The following BTBD6 variants were observed in gnomAD, a reference collection of about 807,000 sequenced individuals.
BTBD6 encodes the protein BTB/POZ domain-containing protein 6.
BTBD6 carries 30 observed loss-of-function variants against 40.6 expected under a neutral mutation model. The ratio of observed to expected loss-of-function variants is 0.74; its 90% confidence interval spans 0.55 to 1.00. The LOEUF (loss-of-function observed/expected upper bound fraction) is 1.00, where lower values mean the gene tolerates loss of function less well. BTBD6 is among the 50% of genes least tolerant of loss of function. BTBD6 has a pLI of 0.00. For synonymous variants in BTBD6, 378 were observed against 308.7 expected, an observed-to-expected ratio of 1.22 and a Z score of -2.35; for missense variants, 698 against 694.6, an observed-to-expected ratio of 1.00 and a Z score of -0.06.
At chr14:105,249,592 G>T in intron 3 of BTBD6, 48 bp from the exon 4 acceptor site, 1 of 1,587,136 alleles carries the variant, frequency 6.3e-7, no homozygotes, top group Non-Finnish European at 8.6e-7. Flanking sequence ...CCAGCCCCGC[G>T]ATGGGTGCTT....
chr14:105,249,205 C>G lies in BTBD6; in HGVS notation c.423C>G (p.Val141=). The change falls in exon 2 of 4, where the codon GTC becomes GTG. Residue 141 remains valine, a synonymous_variant. Transcript: ENST00000392554. Reference sequence around the variant, plus strand: ...AGCTCATGGCCGACGTGCACTTCGTCGTGGGGCCCCCGGGGGCGACCAGGA... The same window carrying G: ...AGCTCATGGCCGACGTGCACTTCGTGGTGGGGCCCCCGGGGGCGACCAGGA... The part of the protein sequence containing the change: ...NNELMADVHF[V]VGPPGATRTV... 1 of 1,588,908 alleles carries G rather than the reference C, an allele frequency of 6.3e-7. No individual in the cohort carries two copies. The highest frequency in any genetic ancestry group is 2.3e-5 in the East Asian group (1 of 44,438).
chr14:105,249,106 C>CCCCGCGCCCGCGCGCG (rs2055394276), intron 1 of BTBD6, 21 bp downstream of exon 1: 1 of 1,497,306 alleles, frequency 6.7e-7, no homozygotes, highest in Non-Finnish European at 8.8e-7. Context: ...GCCCCGCGGC[C>CCCCGCGCCCGCGCGCG]CCCGCGCCCG....
chr14:105,249,576 C>A lies in BTBD6; in HGVS notation c.585-64C>A, dbSNP rs1489013733. 2.5e-6 allele frequency: 4 copies of A among 1,586,198 alleles called. No individual in the cohort carries two copies. In the African/African-American group the frequency reaches 5.4e-5, roughly 21 times the overall value. ...ACACAGGAGCTGATGGACTCCTCTC[C>A]CAGGCCCAGCCCCGCGATGGGTGCT... is the stretch of plus-strand genomic sequence containing the variant. On this transcript the variant is annotated intron_variant, in intron 3 of 3. Transcript: ENST00000392554.
In BTBD6 at chr14:105,250,039, T is replaced by G; in HGVS notation, c.984T>G (p.Val328=). ...TCACCCCACGAAACAAGAGGCATGT[T>G]CTGGGGCGAGCCCTCTATCTGGTCC... ...LPITPRNKRH[V]LGRALYLVRI... is the part of the protein sequence containing the mutation. Residue 328 remains valine, a synonymous_variant, in exon 4 of 4, where the codon GTT becomes GTG. Coordinates refer to ENST00000392554, the MANE Select transcript of BTBD6 (RefSeq NM_001387567.1). The G allele has an allele frequency of 1.2e-6, 2 of 1,612,962 alleles. No homozygotes were observed. The highest frequency in any genetic ancestry group is 1.7e-6 in the Non-Finnish European group (2 of 1,180,034).
At chr14:105,249,106 C>G (rs1443177099) in intron 1 of BTBD6, 21 bp downstream of exon 1, 3 of 1,497,198 alleles carry the variant, frequency 2.0e-6, no homozygotes, top group East Asian at 2.7e-5. Flanking sequence ...GCCCCGCGGC[C>G]CCCGCGCCCG....
Position 105,250,481 on chromosome 14 carries a change from C to T in BTBD6, c.1426C>T (p.Gln476Ter). The T allele has an allele frequency of 1.2e-6, 2 of 1,613,992 alleles. No individual in the cohort carries two copies. Among genetic ancestry groups the T allele is most frequent in the South Asian group, 2.2e-5 (2 of 91,074 alleles). The change falls in exon 4 of 4, where the codon CAG becomes TAG. Residue 476 changes from glutamine (Q) to a stop codon, truncating the protein, a stop_gained. Transcript: ENST00000392554. LOFTEE classifies it high-confidence loss of function. Reference sequence around the variant, plus strand: ...CCCGGTCTGGTTTGAACACCCGGTCCAGGTTGAACAAGACACCTTCTACAC... The same window carrying T: ...CCCGGTCTGGTTTGAACACCCGGTCTAGGTTGAACAAGACACCTTCTACAC... ...TFPVWFEHPV[Q>*]VEQDTFYTAS...
In BTBD6 at chr14:105,250,232, C is replaced by T. The variant is rs749023649; in HGVS notation, c.1177C>T (p.Arg393Ter). Residue 393 changes from arginine to a stop codon, truncating the protein, a stop_gained, in exon 4 of 4, where the codon CGA becomes TGA. Transcript: ENST00000392554. LOFTEE classifies it high-confidence loss of function. ...GGGCCTCGCCCCGCAGAGGTGCCAC[C>T]GATTCCAGTCTTCTGCCTACCGCAG... Reference protein sequence around the residue: ...RKGLAPQRCHRFQSSAYRSNQ... With the variant: ...RKGLAPQRCH The T allele has an allele frequency of 5.6e-6, 9 of 1,612,830 alleles. No homozygotes were observed. Among genetic ancestry groups the T allele is most frequent in the Middle Eastern group, 1.6e-4 (1 of 6,084 alleles).
Position 105,250,483 on chromosome 14 carries a change from G to A in BTBD6, c.1428G>A (p.Gln476=), listed in dbSNP as rs760425660. ...TFPVWFEHPV[Q]VEQDTFYTAS... ...CGGTCTGGTTTGAACACCCGGTCCA[G>A]GTTGAACAAGACACCTTCTACACGG... The change falls in exon 4 of 4, where the codon CAG becomes CAA. Residue 476 remains glutamine (Q), a synonymous_variant. Coordinates refer to ENST00000392554, the MANE Select transcript of BTBD6 (RefSeq NM_001387567.1). 6 of 1,614,036 alleles carry A rather than the reference G, an allele frequency of 3.7e-6. No homozygotes were observed. The highest frequency in any genetic ancestry group is 5.1e-6 in the Non-Finnish European group (6 of 1,180,032).
rs2055327235 is a variant in BTBD6 at position 105,248,617 on chromosome 14, C to A, written c.-95C>A. 1.0e-6 allele frequency: 1 copy of A among 975,862 alleles called. No individual in the cohort carries two copies. The highest frequency in any genetic ancestry group is 1.2e-6 in the Non-Finnish European group (1 of 825,448). 60.5% of individuals were successfully genotyped at this position (975,862 alleles called of 1,614,324 possible). On this transcript the variant is annotated 5_prime_UTR_variant, in exon 1 of 4. Coordinates refer to ENST00000392554, the MANE Select transcript of BTBD6 (RefSeq NM_001387567.1). ...GGCGCCCCCCGCGGCCGGGCCTGGCCGGGCTGCGCTAGGCTGGGCTCGGGC... is the reference window on the plus strand; with the variant it reads ...GGCGCCCCCCGCGGCCGGGCCTGGCAGGGCTGCGCTAGGCTGGGCTCGGGC...
In BTBD6 at chr14:105,250,825, C is replaced by T. The variant is rs1165824349; in HGVS notation, c.*153C>T. 8.7e-6 allele frequency: 7 copies of T among 801,054 alleles called. No individual in the cohort carries two copies. The East Asian group carries it at 1.9e-4, about 22-fold the overall frequency. 49.6% of individuals were successfully genotyped at this position (801,054 alleles called of 1,614,324 possible). A position where few individuals can be genotyped will look rare whatever the true frequency, so the allele number is the denominator to read the frequency against. On this transcript the variant is annotated 3_prime_UTR_variant, in exon 4 of 4. Transcript: ENST00000392554. ...TGACTGTGTAGAGACATTTTCCACA[C>T]AGCCAGAACCCAGGGATTGGAGTCT...
At position 105,249,210 on chromosome 14, in the gene BTBD6, GGCCCCC is replaced by G; in HGVS notation, c.430_435del (p.Pro144_Pro145del). 6.3e-7 allele frequency: 1 copy of G among 1,588,020 alleles called. No homozygotes were observed. Among genetic ancestry groups the G allele is most frequent in the Non-Finnish European group, 8.5e-7 (1 of 1,173,894 alleles). ...ATGGCCGACGTGCACTTCGTCGTGG[GGCCCCC>G]GGGGGCGACCAGGACGGTGCCCGCC... On this transcript the variant is annotated inframe_deletion, in exon 2 of 4. Coordinates refer to ENST00000392554, the MANE Select transcript of BTBD6 (RefSeq NM_001387567.1).
chr14:105,248,974 C>T lies in BTBD6; in HGVS notation c.263C>T (p.Pro88Leu). The T allele has an allele frequency of 7.1e-6, 7 of 983,686 alleles. No individual in the cohort carries two copies. The highest frequency in any genetic ancestry group is 8.4e-6 in the Non-Finnish European group (7 of 829,878). The allele number at this position is 983,686 out of a possible 1,614,324, so 60.9% of individuals were successfully genotyped here. A position where few individuals can be genotyped will look rare whatever the true frequency, so the allele number is the denominator to read the frequency against. Residue 88 changes from proline (P) to leucine (L), a missense_variant, in exon 1 of 4, where the codon CCC becomes CTC. Physicochemically the swap from Pro to Leu is moderately conservative, Grantham distance 98. Coordinates refer to ENST00000392554, the MANE Select transcript of BTBD6 (RefSeq NM_001387567.1). ...VGRKAGPRSP[P>L]SAPAPAPPPP... ...AGGAAGGCCGGGCCGCGCAGCCCGC[C>T]CAGCGCCCCCGCGCCAGCGCCGCCG...
At position 105,249,450 on chromosome 14, in the gene BTBD6, G is replaced by C. The variant is rs2055439670; in HGVS notation, c.556G>C (p.Glu186Gln). 1 of 1,613,510 alleles carries C rather than the reference G, an allele frequency of 6.2e-7. No homozygotes were observed. The highest frequency in any genetic ancestry group is 1.7e-5 in the Admixed American group (1 of 60,016). Residue 186 changes from glutamate to glutamine, a missense_variant, in exon 3 of 4, where the codon GAG becomes CAG. Physicochemically the swap from Glu to Gln is conservative, Grantham distance 29. Coordinates refer to ENST00000392554, the MANE Select transcript of BTBD6 (RefSeq NM_001387567.1). ...ATCTGAAATTCACATTCCAGACGTG[G>C]AGCCCGCAGCCTTTCTGATCCTCTT... ...VKSEIHIPDV[E>Q]PAAFLILLKY...
At position 105,249,511 on chromosome 14, in the gene BTBD6, G is replaced by A. The variant is rs1225429546; in HGVS notation, c.584+33G>A. On this transcript the variant is annotated intron_variant, in intron 3 of 3. Transcript: ENST00000392554. ...CACTCTACTGGGGAGGGACGGGTGG[G>A]TCCGTTTTAGGCGGCCTCCGGAGGC... 2.5e-6 allele frequency: 4 copies of A among 1,569,492 alleles called. 1 individual carries two copies. In the South Asian group the frequency reaches 3.3e-5, roughly 13 times the overall value.
chr14:105,249,494 T>TG lies in BTBD6; in HGVS notation c.584+20dup, dbSNP rs959462433. 10 of 1,102,496 alleles carry TG rather than the reference T, an allele frequency of 9.1e-6. No homozygotes were observed. In the African/African-American group the frequency reaches 1.4e-4, roughly 16 times the overall value. The allele number at this position is 1,102,496 out of a possible 1,614,324, so 68.3% of individuals were successfully genotyped here. ...TCCTCTTAAAGTAAGTCCACTCTACTGGGGAGGGACGGGTGGGTCCGTTTT... is the reference window on the plus strand; with the variant it reads ...TCCTCTTAAAGTAAGTCCACTCTACTGGGGGAGGGACGGGTGGGTCCGTTTT... On this transcript the variant is annotated intron_variant, in intron 3 of 3. Coordinates refer to ENST00000392554, the MANE Select transcript of BTBD6 (RefSeq NM_001387567.1).
intron 3 of BTBD6, 71 bp from the exon 4 acceptor site, chr14:105,249,569 T>G: frequency 6.3e-7 from 1 of 1,586,872 alleles, no homozygotes; most frequent in Non-Finnish European, 8.6e-7. Context: ...GCTGATGGAC[T>G]CCTCTCCCAG....
chr14:105,249,024 C>G lies in BTBD6; in HGVS notation c.313C>G (p.Leu105Val). The G allele has an allele frequency of 8.6e-7, 1 of 1,165,698 alleles. No homozygotes were observed. Among genetic ancestry groups the G allele is most frequent in the Non-Finnish European group, 1.1e-6 (1 of 947,792 alleles). The allele number at this position is 1,165,698 out of a possible 1,614,324, so 72.2% of individuals were successfully genotyped here. ...PPPPAPAPPTLGNNHQESPGW... is the reference protein window; with the variant it reads ...PPPPAPAPPTVGNNHQESPGW... ...GCCGCCCGCGCCCGCGCCGCCCACA[C>G]TCGGCAACAACCACCAGGAGAGCCC... The change falls in exon 1 of 4, where the codon CTC becomes GTC. Residue 105 changes from leucine (L) to valine (V), a missense_variant. Leu to Val is a conservative substitution (Grantham distance 32, BLOSUM62 1). Coordinates refer to ENST00000392554, the MANE Select transcript of BTBD6 (RefSeq NM_001387567.1).
rs753022112 is a variant in BTBD6 at position 105,250,204 on chromosome 14, G to A, written c.1149G>A (p.Arg383=). ...KPRLDFPLTK[R]KGLAPQRCHR... ...GCCTGGACTTTCCCCTGACCAAGAG[G>A]AAGGGCCTCGCCCCGCAGAGGTGCC... Residue 383 remains arginine (R), a synonymous_variant, in exon 4 of 4, where the codon AGG becomes AGA. Transcript: ENST00000392554. The A allele has an allele frequency of 2.5e-6, 4 of 1,612,974 alleles. No individual in the cohort carries two copies. Among genetic ancestry groups the A allele is most frequent in the Middle Eastern group, 3.3e-4 (2 of 6,060 alleles).
rs769167809 is a variant in BTBD6, at chr14:105,250,701, C to A, written c.*29C>A. ...GCCCGGGGAGGCTGCAGCAGGTCAGCGAGTGAGTGGAGGGGAAGTCAAGAT... is the reference window on the plus strand; with the variant it reads ...GCCCGGGGAGGCTGCAGCAGGTCAGAGAGTGAGTGGAGGGGAAGTCAAGAT... On this transcript the variant is annotated 3_prime_UTR_variant, in exon 4 of 4. Transcript: ENST00000392554. 7 of 1,583,806 alleles carry A rather than the reference C, an allele frequency of 4.4e-6. No individual in the cohort carries two copies. The highest frequency in any genetic ancestry group is 6.0e-6 in the Non-Finnish European group (7 of 1,161,668).
Sources: allele counts gnomAD v4.1 joint callset, GRCh38; gene constraint gnomAD v4.1.1; transcripts MANE v1.5; gene names NCBI Gene and HGNC (gene_info 2026-07-23, HGNC 2026-07-21).